CLVS1: variants seen among roughly 807,000 people sequenced by gnomAD.
The protein encoded by CLVS1 is clavesin-1.
CLVS1 carries 10 observed loss-of-function variants against 33.1 expected under a neutral mutation model. The observed-to-expected ratio is 0.30, with a 90% CI of 0.19 to 0.51. The LOEUF (loss-of-function observed/expected upper bound fraction) is 0.51, where lower values mean the gene tolerates loss of function less well. CLVS1 is among the 20% of genes least tolerant of loss of function. The pLI is 0.97. For missense variants in CLVS1, 343 were observed against 433.4 expected (o/e 0.79, Z 1.85); for synonymous variants, 163 against 166.1 (o/e 0.98, Z 0.14).
At chr8:61,038,789 T>C in the CLVS1 span, among the ~76,000 whole-genome samples, 1 of 152,274 alleles carries the variant, frequency 6.6e-6, no homozygotes, top group East Asian at 1.9e-4. Flanking sequence ...AAATGAGTGC[T>C]CAGCGCATGT....
Position 61,273,404 on chromosome 8 carries a change from G to C in CLVS1, c.-151-26273G>C, listed in dbSNP as rs373456565. Among the ~76,000 whole-genome samples, 788 of 151,234 alleles carry C rather than the reference G, an allele frequency of 5.2e-3. 8 individuals are homozygous for C. The highest frequency in any genetic ancestry group is 0.018 in the African/African-American group (741 of 41,250). On this transcript the variant is annotated intron_variant, in intron 2 of 2. Coordinates refer to the CLVS1 transcript ENST00000522621. ...CACTGCTCTCTTCAAAGCTGTCAGA[G>C]AGGGACATTTAAGTCTGCAGAGGTT... is the stretch of plus-strand genomic sequence containing the variant.
At chr8:61,061,078 G>A (rs1041062591) in intron 1 of CLVS1, among the ~76,000 whole-genome samples, 22 of 152,066 alleles carry the variant, frequency 1.4e-4, no homozygotes, top group Non-Finnish European at 2.8e-4. Context: ...TTATATTCAA[G>A]CATCAACATG....
chr8:61,458,856 T>C (rs573720858), intron 5 of CLVS1, among the ~76,000 whole-genome samples: 2 of 152,210 alleles, frequency 1.3e-5, no homozygotes, highest in Non-Finnish European at 2.9e-5. Context: ...TGAGATACAC[T>C]AGGTGGAAAA....
intron 2 of CLVS1, among the ~76,000 whole-genome samples, chr8:61,227,042 AT>A (rs1302768125): frequency 6.9e-6 from 1 of 145,796 alleles, no homozygotes; most frequent in Non-Finnish European, 1.5e-5. Flanking sequence ...ATAGTTCAAC[AT>A]TATATCGAGG....
At chr8:61,382,316 C>A (rs1374343685) in intron 3 of CLVS1, among the ~76,000 whole-genome samples, 1 of 152,188 alleles carries the variant, frequency 6.6e-6, no homozygotes, top group Non-Finnish European at 1.5e-5. Flanking sequence ...GACATCCTGA[C>A]TCGTGGTGTA....
chr8:61,482,328 T>C (rs1818225081), intron 5 of CLVS1, among the ~76,000 whole-genome samples: 1 of 152,148 alleles, frequency 6.6e-6, no homozygotes, highest in African/African-American at 2.4e-5. Flanking sequence ...TCACCAGCAA[T>C]GGAACAAAGC....
intron 1 of CLVS1, among the ~76,000 whole-genome samples, chr8:61,126,841 T>C (rs1457071827): frequency 6.6e-6 from 1 of 152,218 alleles, no homozygotes; most frequent in African/African-American, 2.4e-5. Context: ...TCTACATTGC[T>C]GACAAATCTT....
chr8:61,224,562 C>A (rs545816330), intron 2 of CLVS1, among the ~76,000 whole-genome samples: 1 of 152,122 alleles, frequency 6.6e-6, no homozygotes, highest in African/African-American at 2.4e-5. Context: ...TTCTGGGACC[C>A]GACTTCGAGG....
chr8:61,427,322 C>T (rs1163683345), intron 3 of CLVS1, among the ~76,000 whole-genome samples: 3 of 152,152 alleles, frequency 2.0e-5, no homozygotes, highest in Non-Finnish European at 4.4e-5. Context: ...CCCTTTTTCT[C>T]AGTGGCAGAC....
At chr8:61,202,141 C>T (rs1364525310) in intron 2 of CLVS1, among the ~76,000 whole-genome samples, 2 of 152,218 alleles carry the variant, frequency 1.3e-5, no homozygotes, top group East Asian at 3.8e-4. Flanking sequence ...TGTCCTAATG[C>T]TTGCTTGGAC....
intron 3 of CLVS1, among the ~76,000 whole-genome samples, chr8:61,381,173 A>G (rs1434453493): frequency 2.0e-5 from 3 of 149,476 alleles, no homozygotes; most frequent in Non-Finnish European, 3.0e-5. Context: ...TTTTTCTGTT[A>G]AAGATGTTTT....
intron 1 of CLVS1, among the ~76,000 whole-genome samples, chr8:61,117,732 A>G (rs528351471): frequency 3.9e-5 from 6 of 152,328 alleles, no homozygotes; most frequent in Admixed American, 2.6e-4. Context: ...CCACTTGATC[A>G]TGGTGGATAA....
the CLVS1 span, among the ~76,000 whole-genome samples, chr8:60,984,203 A>C: frequency 1.3e-5 from 2 of 152,096 alleles, no homozygotes; most frequent in African/African-American, 4.8e-5. Flanking sequence ...ACCTGTGTGT[A>C]GCTTCTTGTC....
At chr8:61,035,187 C>CTTTTTTTTTTTTTT in the CLVS1 span, among the ~76,000 whole-genome samples, 6 of 129,406 alleles carry the variant, frequency 4.6e-5, no homozygotes, top group East Asian at 2.2e-4. Context: ...TTTCTTTTTT[C>CTTTTTTTTTTTTTT]TTTTTTTTTT....
intron 1 of CLVS1, among the ~76,000 whole-genome samples, chr8:61,119,551 C>T (rs2129289486): frequency 6.7e-6 from 1 of 148,850 alleles, no homozygotes; most frequent in South Asian, 2.2e-4. Context: ...TTCAGGAGCT[C>T]TTTTAGGGCA....
chr8:61,056,923 A>T (rs1804481006), upstream of CLVS1, among the ~76,000 whole-genome samples: 1 of 152,154 alleles, frequency 6.6e-6, no homozygotes, highest in Non-Finnish European at 1.5e-5. Flanking sequence ...GGAAAGGTAA[A>T]GCGCCAGGGC....
chr8:61,062,467 A>G (rs1393686432), intron 1 of CLVS1, among the ~76,000 whole-genome samples: 1 of 152,226 alleles, frequency 6.6e-6, no homozygotes, highest in Non-Finnish European at 1.5e-5. Flanking sequence ...CTCTACAGTC[A>G]GTAGGAAGAC....
At chr8:61,243,824 A>G (rs1808747237) in intron 2 of CLVS1, among the ~76,000 whole-genome samples, 1 of 152,186 alleles carries the variant, frequency 6.6e-6, no homozygotes, top group Non-Finnish European at 1.5e-5. Flanking sequence ...TTTCATTAAT[A>G]TCTGCTCTTT....
intron 3 of CLVS1, among the ~76,000 whole-genome samples, chr8:61,380,961 A>T (rs542126726): frequency 6.6e-6 from 1 of 152,296 alleles, no homozygotes; most frequent in African/African-American, 2.4e-5. Flanking sequence ...TAGGCTATTT[A>T]AAAATATTTG....
Sources: gnomAD v4.1 joint callset for allele counts (sites outside exome capture counted in the v4.1 genomes callset) on GRCh38, gnomAD v4.1.1 for gene constraint, MANE v1.5 for transcripts, NCBI Gene and HGNC (gene_info 2026-07-23, HGNC 2026-07-21) for gene names.